The following SLC25A16 variants were observed in gnomAD, a reference collection of about 807,000 sequenced individuals.
SLC25A16 encodes the protein solute carrier family 25 member 16.
SLC25A16 carries 39 observed loss-of-function variants against 41.5 expected under a neutral mutation model. That is an observed-to-expected ratio of 0.94 (90% confidence interval 0.73 to 1.23). The LOEUF (loss-of-function observed/expected upper bound fraction) is 1.23. Among genes scored for constraint, SLC25A16 ranks in the 50% most tolerant of loss-of-function variants. The pLI, the probability that SLC25A16 is intolerant of heterozygous loss-of-function variation, is 0.00. For missense variants in SLC25A16, 421 were observed against 426.9 expected, an observed-to-expected ratio of 0.99 and a Z score of 0.12; for synonymous variants, 146 against 147.8, an observed-to-expected ratio of 0.99 and a Z score of 0.09.
intron 2 of SLC25A16, among the ~76,000 whole-genome samples, chr10:68,515,616 T>C (rs1029975601): frequency 1.3e-5 from 2 of 151,458 alleles, no homozygotes; most frequent in Non-Finnish European, 1.5e-5. Flanking sequence ...CTGACCAACA[T>C]GGAGAAACCC....
At chr10:68,485,856 G>A (rs1348484331) in intron 8 of SLC25A16, among the ~76,000 whole-genome samples, 1 of 146,692 alleles carries the variant, frequency 6.8e-6, no homozygotes, top group African/African-American at 2.5e-5. Context: ...GGAGTGCAGT[G>A]GTGCGATCTC....
At chr10:68,504,065 T>C (rs1264214289) in intron 3 of SLC25A16, among the ~76,000 whole-genome samples, 1 of 128,650 alleles carries the variant, frequency 7.8e-6, no homozygotes, top group Non-Finnish European at 1.6e-5. Flanking sequence ...TCGCTCTGTG[T>C]CCCAGGCTGG....
rs1321499063 is a variant in SLC25A16, at chr10:68,488,322, G to A, written c.773+145C>T. 5 of 549,778 alleles carry A rather than the reference G, an allele frequency of 9.1e-6. No individual in the cohort carries two copies. In the East Asian group the frequency reaches 9.9e-5, roughly 11 times the overall value. 34.1% of individuals were successfully genotyped at this position (549,778 alleles called of 1,614,324 possible). Reference sequence around the variant, plus strand: ...ATATGCTTAAAGTGCACACACATCTGAAAAAATGTATTAAATTGAGACCTA... The same window carrying A: ...ATATGCTTAAAGTGCACACACATCTAAAAAAATGTATTAAATTGAGACCTA... On this transcript the variant is annotated intron_variant, in intron 7 of 8. Transcript: ENST00000609923.
chr10:68,503,480 C>T, intron 4 of SLC25A16, 152 bp downstream of exon 4: 1 of 499,128 alleles, frequency 2.0e-6, no homozygotes, highest in Non-Finnish European at 3.6e-6. Context: ...TAATACATAC[C>T]TTTTTTTGAG....
chr10:68,524,937 C>T (rs1002413859), intron 1 of SLC25A16, among the ~76,000 whole-genome samples: 1 of 151,174 alleles, frequency 6.6e-6, no homozygotes, highest in Non-Finnish European at 1.5e-5. Flanking sequence ...ATCCCAGCTA[C>T]TTGGGAAGCT....
At chr10:68,485,964 A>AT (rs1320331175) in intron 8 of SLC25A16, among the ~76,000 whole-genome samples, 2 of 151,152 alleles carry the variant, frequency 1.3e-5, no homozygotes, top group Non-Finnish European at 2.9e-5. Flanking sequence ...CACCCGGCTA[A>AT]TTTTTTGTAT....
intron 3 of SLC25A16, among the ~76,000 whole-genome samples, chr10:68,505,957 A>T (rs2052946010): frequency 6.6e-6 from 1 of 151,614 alleles, no homozygotes; most frequent in Admixed American, 6.6e-5. Context: ...GCTTGAACCC[A>T]GGAGATGGAG....
intron 1 of SLC25A16, among the ~76,000 whole-genome samples, chr10:68,525,009 T>C (rs967128538): frequency 6.6e-6 from 1 of 150,624 alleles, no homozygotes; most frequent in African/African-American, 2.4e-5. Flanking sequence ...ATCACGCCAC[T>C]GCACTCCTGC....
chr10:68,482,010 C>A lies in SLC25A16; in HGVS notation c.*1422G>T, dbSNP rs968028381. 6.6e-6 allele frequency: 1 copy of A among 152,158 alleles called. No homozygotes were observed. The highest frequency in any genetic ancestry group is 1.5e-5 in the Non-Finnish European group (1 of 68,060). The allele number at this position is 152,158 out of a possible 1,614,324, so 9.4% of individuals were successfully genotyped here. A position where few individuals can be genotyped will look rare whatever the true frequency, so the allele number is the denominator to read the frequency against. On this transcript the variant is annotated 3_prime_UTR_variant, in exon 9 of 9. Coordinates refer to ENST00000609923, the MANE Select transcript of SLC25A16 (RefSeq NM_152707.4). Reference sequence around the variant, plus strand: ...GGGCAGATCATGAGGTTCAGGAGATCGAGGCCATCCTGGCTAACACGGTGA... The same window carrying A: ...GGGCAGATCATGAGGTTCAGGAGATAGAGGCCATCCTGGCTAACACGGTGA...
intron 2 of SLC25A16, among the ~76,000 whole-genome samples, chr10:68,510,537 C>T (rs1376534719): frequency 2.7e-5 from 4 of 150,872 alleles, no homozygotes; most frequent in South Asian, 2.1e-4. Context: ...AGTGAAACTA[C>T]GTCTCAAAAA....
At chr10:68,523,226 A>T (rs1258220203) in intron 1 of SLC25A16, among the ~76,000 whole-genome samples, 1 of 151,892 alleles carries the variant, frequency 6.6e-6, no homozygotes, top group Non-Finnish European at 1.5e-5. Flanking sequence ...AGTAGCTGGG[A>T]CTACAACAGG....
intron 4 of SLC25A16, chr10:68,496,677 C>G: frequency 1.0e-6 from 1 of 966,956 alleles, no homozygotes. Flanking sequence ...CTTACTGTCT[C>G]TACAGTCTAG....
intron 6 of SLC25A16, among the ~76,000 whole-genome samples, chr10:68,488,886 GA>G (rs928800842): frequency 6.6e-6 from 1 of 151,488 alleles, no homozygotes; most frequent in African/African-American, 2.4e-5. Context: ...TTTATATGTG[GA>G]AAAAAAACAA....
chr10:68,517,478 T>C (rs1275358142), intron 1 of SLC25A16: 1 of 152,468 alleles, frequency 6.6e-6, no homozygotes, highest in African/African-American at 2.4e-5. Flanking sequence ...AATATAGACT[T>C]CTCTACAATA....
chr10:68,497,851 A>G (rs1430063019), intron 4 of SLC25A16, among the ~76,000 whole-genome samples: 1 of 151,884 alleles, frequency 6.6e-6, no homozygotes, highest in Admixed American at 6.6e-5. Flanking sequence ...TCCTGACCTC[A>G]TGATCCACCC....
At chr10:68,494,608 T>G (rs2052718632) in intron 4 of SLC25A16, among the ~76,000 whole-genome samples, 1 of 146,090 alleles carries the variant, frequency 6.8e-6, no homozygotes, top group Non-Finnish European at 1.5e-5. Flanking sequence ...GAGCTAGGCA[T>G]GCTCACGCCT....
At chr10:68,490,941 G>A (rs1049275976) in intron 6 of SLC25A16, among the ~76,000 whole-genome samples, 1 of 151,892 alleles carries the variant, frequency 6.6e-6, no homozygotes, top group Non-Finnish European at 1.5e-5. Flanking sequence ...TCAGGCTGGA[G>A]TAGAGTGGCA....
At chr10:68,518,421 G>GA (rs571647182) in intron 1 of SLC25A16, among the ~76,000 whole-genome samples, 2 of 148,602 alleles carry the variant, frequency 1.3e-5, no homozygotes, top group Admixed American at 6.7e-5. Flanking sequence ...CTTAAAAAAA[G>GA]AAAAAAAAAG....
chr10:68,513,054 A>G (rs1186596436), intron 2 of SLC25A16, among the ~76,000 whole-genome samples: 1 of 151,858 alleles, frequency 6.6e-6, no homozygotes, highest in Admixed American at 6.6e-5. Flanking sequence ...ACAAAACAAA[A>G]CAAAATGTTG....
Sources: gnomAD v4.1 joint callset for allele counts (sites outside exome capture counted in the v4.1 genomes callset) on GRCh38, gnomAD v4.1.1 for gene constraint, MANE v1.5 for transcripts, NCBI Gene and HGNC (gene_info 2026-07-23, HGNC 2026-07-21) for gene names.